Variants in NF2 observed in about 807,000 individuals in gnomAD.
NF2 encodes merlin.
Under a neutral mutation model 83.7 loss-of-function variants are expected in NF2, and 8 were observed. That is an observed-to-expected ratio of 0.10 (90% confidence interval 0.06 to 0.17). NF2 has a LOEUF of 0.17. NF2 is among the 10% of genes least tolerant of loss of function. The probability of loss-of-function intolerance (pLI) is 1.00; values close to 1 mark genes in which losing one functional copy is unlikely to be tolerated. For missense variants in NF2, 533 were observed against 744.4 expected (o/e 0.72, Z 3.31); for synonymous variants, 266 against 269.6 (o/e 0.99, Z 0.13).
At chr22:29,684,936 G>C (rs1354170647) in intron 15 of NF2, among the ~76,000 whole-genome samples, 1 of 151,812 alleles carries the variant, frequency 6.6e-6, no homozygotes, top group Non-Finnish European at 1.5e-5. Flanking sequence ...CTGCAGTCTG[G>C]CTGGCACAAG....
chr22:29,642,163 A>C lies in NF2; in HGVS notation c.364-39A>C, dbSNP rs2530664. On this transcript the variant is annotated intron_variant, in intron 3 of 15. Transcript: ENST00000338641. ...TGATCAGCCTACACACCTCACTTCC[A>C]CTCACAGAGTATCATGTCTCCCTTG... The C allele has an allele frequency of 0.18, 272,220 of 1,528,952 alleles. 28,938 individuals are homozygous for C. The highest frequency in any genetic ancestry group is 0.55 in the East Asian group (24,634 of 44,394). The allele number at this position is 1,528,952 out of a possible 1,614,324, so 94.7% of individuals were successfully genotyped here. A position where few individuals can be genotyped will look rare whatever the true frequency, so the allele number is the denominator to read the frequency against.
At chr22:29,687,105 G>T (rs1222756463) in intron 15 of NF2, among the ~76,000 whole-genome samples, 1 of 152,180 alleles carries the variant, frequency 6.6e-6, no homozygotes, top group East Asian at 1.9e-4. Flanking sequence ...TCAAGAGAGG[G>T]GTTTCAGTCT....
At position 29,695,058 on chromosome 22, in the gene NF2, T is replaced by C. The variant is rs2067510752; in HGVS notation, c.*256T>C. On this transcript the variant is annotated 3_prime_UTR_variant, in exon 16 of 16. Transcript: ENST00000338641. This position sits in a 1 kb window ranked among gnomAD's most constrained non-coding sequence, Gnocchi z 5.4. ...GTTTTAAGAAGTATTTGTCTTCCTT[T>C]GTCTAATGTGGGATTCCTGACTCCC... 3.4e-6 allele frequency: 2 copies of C among 582,834 alleles called. No homozygotes were observed. Among genetic ancestry groups the C allele is most frequent in the Non-Finnish European group, 6.1e-6 (2 of 325,994 alleles). 36.1% of individuals were successfully genotyped at this position (582,834 alleles called of 1,614,324 possible).
chr22:29,620,454 G>A (rs1022848254), intron 1 of NF2, among the ~76,000 whole-genome samples: 1 of 151,904 alleles, frequency 6.6e-6, no homozygotes, highest in Non-Finnish European at 1.5e-5. Context: ...ATAGAGACAG[G>A]GTTGGCCGGG....
intron 4 of NF2, among the ~76,000 whole-genome samples, chr22:29,653,624 T>TAA (rs2066217829): frequency 6.6e-6 from 1 of 152,200 alleles, no homozygotes; most frequent in Admixed American, 6.5e-5. Context: ...ATGAATATCT[T>TAA]CTTTCACTCC....
In NF2 at chr22:29,695,846, T is replaced by G. The variant is rs1054963846; in HGVS notation, c.*1044T>G. 5.1e-5 allele frequency: 12 copies of G among 233,534 alleles called. No individual in the cohort carries two copies. Among genetic ancestry groups the G allele is most frequent in the African/African-American group, 2.4e-4 (11 of 45,336 alleles). The allele number at this position is 233,534 out of a possible 1,614,324, so 14.5% of individuals were successfully genotyped here. A position where few individuals can be genotyped will look rare whatever the true frequency, so the allele number is the denominator to read the frequency against. On this transcript the variant is annotated 3_prime_UTR_variant, in exon 16 of 16. Coordinates refer to ENST00000338641, the MANE Select transcript of NF2 (RefSeq NM_000268.4). This position sits in a 1 kb window ranked among gnomAD's most constrained non-coding sequence, Gnocchi z 5.4. Reference sequence around the variant, plus strand: ...CCACTGTTGTACCCAGGCCTCACTTTGCTGTTGCCCTTGTCCCTCTTCGGG... The same window carrying G: ...CCACTGTTGTACCCAGGCCTCACTTGGCTGTTGCCCTTGTCCCTCTTCGGG...
intron 13 of NF2, among the ~76,000 whole-genome samples, chr22:29,676,727 A>G (rs1280613873): frequency 6.6e-6 from 1 of 152,212 alleles, no homozygotes; most frequent in Non-Finnish European, 1.5e-5. Context: ...ACACGTGGAT[A>G]TATTGGTAGA....
Position 29,654,637 on chromosome 22 carries a change from T to C in NF2, c.448-20T>C, listed in dbSNP as rs2066245650. On this transcript the variant is annotated intron_variant, in intron 4 of 15. Transcript: ENST00000338641. ...TATCTTTAGAATCTCAATCGCCTGC[T>C]CTCCCTTTCTTCTTTCCAGTATGGT... The C allele has an allele frequency of 4.3e-6, 7 of 1,611,134 alleles. No individual in the cohort carries two copies. Among genetic ancestry groups the C allele is most frequent in the Non-Finnish European group, 5.9e-6 (7 of 1,177,426 alleles).
In NF2 at chr22:29,696,676, T is replaced by G. The variant is rs530734498; in HGVS notation, c.*1874T>G. 1.8e-5 allele frequency: 4 copies of G among 220,564 alleles called. No individual in the cohort carries two copies. In the East Asian group the frequency reaches 2.0e-4, roughly 11 times the overall value. 13.7% of individuals were successfully genotyped at this position (220,564 alleles called of 1,614,324 possible). On this transcript the variant is annotated 3_prime_UTR_variant, in exon 16 of 16. Transcript: ENST00000338641. The stretch of plus-strand genomic sequence containing the variant: ...ACCCAGCCACTTAGGGTCTACAGGG[T>G]GGGACTCCAGACCTAGAGCGTAAGT...
intron 2 of NF2, among the ~76,000 whole-genome samples, chr22:29,638,347 G>A (rs1369856209): frequency 6.8e-6 from 1 of 148,142 alleles, no homozygotes; most frequent in African/African-American, 2.5e-5. Context: ...TCTCTAAGCT[G>A]TATTTTTTTT....
chr22:29,667,169 T>C (rs186264836), intron 9 of NF2, among the ~76,000 whole-genome samples: 1 of 152,324 alleles, frequency 6.6e-6, no homozygotes, highest in Non-Finnish European at 1.5e-5. Context: ...TTAATACTTG[T>C]ATTATCAGCC....
At chr22:29,655,703 A>G (rs1163881267) in intron 6 of NF2, 27 bp downstream of exon 6, 10 of 1,523,924 alleles carry the variant, frequency 6.6e-6, no homozygotes, top group African/African-American at 2.8e-5. Context: ...GTTGGTTTAC[A>G]TTCCTTTATG....
chr22:29,655,976 T>C (rs1351082081), intron 6 of NF2, among the ~76,000 whole-genome samples: 5 of 151,980 alleles, frequency 3.3e-5, no homozygotes, highest in African/African-American at 1.2e-4. Flanking sequence ...TCTTGCTCTG[T>C]TGTCCAGGCT....
intron 13 of NF2, 129 bp from the exon 14 acceptor site, chr22:29,678,067 G>A (rs1029418349): frequency 1.1e-5 from 13 of 1,132,920 alleles, no homozygotes; most frequent in Non-Finnish European, 1.6e-5. Flanking sequence ...GACTCGTGGT[G>A]GCATTGGGAG....
chr22:29,616,712 A>G (rs2065089594), intron 1 of NF2, among the ~76,000 whole-genome samples: 1 of 151,730 alleles, frequency 6.6e-6, no homozygotes, highest in South Asian at 2.1e-4. Context: ...GTTGCACTCC[A>G]GCCTGGGCAA....
intron 4 of NF2, among the ~76,000 whole-genome samples, chr22:29,649,011 T>A (rs2066064279): frequency 6.6e-6 from 1 of 152,188 alleles, no homozygotes; most frequent in Non-Finnish European, 1.5e-5. Flanking sequence ...TTTCTATTGG[T>A]GAAACAGATG....
At chr22:29,688,355 A>G (rs2067318375) in intron 15 of NF2, among the ~76,000 whole-genome samples, 1 of 152,224 alleles carries the variant, frequency 6.6e-6, no homozygotes, top group African/African-American at 2.4e-5. Context: ...CGTTGCTGCA[A>G]CAGTGGGAGG....
chr22:29,665,707 G>A (rs968110939), intron 9 of NF2, among the ~76,000 whole-genome samples: 4 of 150,288 alleles, frequency 2.7e-5, no homozygotes, highest in African/African-American at 9.8e-5. Flanking sequence ...GCTTACGCCT[G>A]TAATCCCAGC....
At chr22:29,661,168 C>G (rs2147006760) in intron 7 of NF2, 37 bp from the exon 8 acceptor site, 1 of 1,613,936 alleles carries the variant, frequency 6.2e-7, no homozygotes, top group Non-Finnish European at 8.5e-7. Flanking sequence ...TGAGCCTCAG[C>G]TGGCGCTTAC....
Sources: gnomAD v4.1 joint callset for allele counts (sites outside exome capture counted in the v4.1 genomes callset) on GRCh38, gnomAD v4.1.1 for gene constraint, Gnocchi (gnomAD v3.1) non-coding constraint, MANE v1.5 for transcripts, NCBI Gene and HGNC (gene_info 2026-07-23, HGNC 2026-07-21) for gene names.